KLHL29: variants seen among roughly 807,000 people sequenced by gnomAD.
The protein encoded by KLHL29 is kelch-like protein 29.
Under a neutral mutation model 80.4 loss-of-function variants are expected in KLHL29, and 21 were observed. The observed-to-expected ratio is 0.26, with a 90% CI of 0.19 to 0.38. The LOEUF (loss-of-function observed/expected upper bound fraction) is 0.38. Among genes scored for constraint, KLHL29 ranks in the 10% least tolerant of loss-of-function variants. The pLI is 1.00. For missense variants in KLHL29, 867 were observed against 1,223.9 expected (o/e 0.71, Z 4.35); for synonymous variants, 511 against 526.8 (o/e 0.97, Z 0.41).
chr2:23,660,321 C>G (rs541735061), intron 5 of KLHL29, among the ~76,000 whole-genome samples: 1 of 152,350 alleles, frequency 6.6e-6, no homozygotes, highest in East Asian at 1.9e-4. Flanking sequence ...TCCCCCTCAG[C>G]CTGTCTCTTC....
intron 3 of KLHL29, among the ~76,000 whole-genome samples, chr2:23,627,658 G>A (rs1157053367): frequency 1.3e-5 from 2 of 152,146 alleles, no homozygotes; most frequent in African/African-American, 2.4e-5. Flanking sequence ...CTGCCCCTCG[G>A]TGTGACTCTG....
intron 3 of KLHL29, among the ~76,000 whole-genome samples, chr2:23,574,965 G>C (rs1667806582): frequency 6.6e-6 from 1 of 152,100 alleles, no homozygotes. Context: ...TGGGAGGGTG[G>C]CCCAGCCCCC....
At position 23,681,881 on chromosome 2, in the gene KLHL29, T is replaced by G. The variant is rs1316306727; in HGVS notation, c.941-2518T>G. On this transcript the variant is annotated intron_variant, in intron 5 of 13. Transcript: ENST00000486442. This position sits in a 1 kb window ranked among gnomAD's most constrained non-coding sequence, Gnocchi z 4.2. ...ACGTGTGAGCATGGCAGCTGAGCCTTATCCAGCCTGGCCCTGCAACTGGCC... is the reference window on the plus strand; with the variant it reads ...ACGTGTGAGCATGGCAGCTGAGCCTGATCCAGCCTGGCCCTGCAACTGGCC... Among the ~76,000 whole-genome samples the G allele has an allele frequency of 1.3e-5, 2 of 152,154 alleles. No individual in the cohort carries two copies. The highest frequency in any genetic ancestry group is 1.5e-5 in the Non-Finnish European group (1 of 68,014).
intron 2 of KLHL29, among the ~76,000 whole-genome samples, chr2:23,482,106 A>C (rs570661732): frequency 1.3e-5 from 2 of 152,232 alleles, no homozygotes; most frequent in Admixed American, 6.5e-5. Context: ...TTGTCAACAA[A>C]AGGCTGGAGA....
intron 2 of KLHL29, among the ~76,000 whole-genome samples, chr2:23,484,787 GA>G (rs1664885107): frequency 6.6e-6 from 1 of 152,184 alleles, no homozygotes. Flanking sequence ...TCAGATAAAG[GA>G]AATCTGGCCT....
chr2:23,693,184 G>GA (rs1294254087), intron 7 of KLHL29, 85 bp from the exon 8 acceptor site: 51 of 1,449,792 alleles, frequency 3.5e-5, no homozygotes, highest in Non-Finnish European at 1.6e-5. Flanking sequence ...TGGGTTCAGA[G>GA]AAGGATCTAG....
chr2:23,521,124 A>G (rs114203287), intron 2 of KLHL29, among the ~76,000 whole-genome samples: 3,451 of 151,946 alleles, frequency 0.023, 68 homozygotes, highest in Non-Finnish European at 0.032. Flanking sequence ...GTATCCGTCT[A>G]TCTGCCCCCT....
chr2:23,410,401 A>G (rs903004062), intron 1 of KLHL29, among the ~76,000 whole-genome samples: 2 of 152,072 alleles, frequency 1.3e-5, no homozygotes, highest in African/African-American at 4.8e-5. Context: ...TACTGGATGG[A>G]TGTGGTGCTG....
At chr2:23,419,183 G>A (rs1449638712) in intron 1 of KLHL29, among the ~76,000 whole-genome samples, 1 of 152,220 alleles carries the variant, frequency 6.6e-6, no homozygotes, top group Non-Finnish European at 1.5e-5. Context: ...CCAAAAAGAA[G>A]AGCTTCCATA....
intron 2 of KLHL29, among the ~76,000 whole-genome samples, chr2:23,528,795 C>T (rs1263363446): frequency 6.6e-6 from 1 of 152,264 alleles, no homozygotes; most frequent in East Asian, 1.9e-4. Context: ...GGGGCGCACA[C>T]ATCCCCAGAC....
Position 23,642,442 on chromosome 2 carries a change from G to A in KLHL29, c.532G>A (p.Val178Ile), listed in dbSNP as rs1483712003. The A allele has an allele frequency of 1.3e-5, 19 of 1,502,976 alleles. No homozygotes were observed. The highest frequency in any genetic ancestry group is 2.5e-5 in the East Asian group (1 of 40,352). The allele number at this position is 1,502,976 out of a possible 1,614,324, so 93.1% of individuals were successfully genotyped here. The change falls in exon 5 of 14, where the codon GTC (valine) becomes ATC (isoleucine). Residue 178 changes from valine to isoleucine, a missense_variant. Val to Ile is a conservative substitution (Grantham distance 29). Transcript: ENST00000486442. The stretch of plus-strand genomic sequence containing the variant: ...TCCCACCTTCAGCCCGGCTGTGAAC[G>A]TCCAGGCCCCGGTCATTGGGGTGAC... ...QPPTFSPAVN[V>I]QAPVIGVTPS...
chr2:23,679,364 A>G lies in KLHL29; in HGVS notation c.941-5035A>G, dbSNP rs77396054. ...GGGACAGCTCGTTTCTGCTCCACACAGTCTCTCATGCTCCAACAGGCTAGC... is the reference window on the plus strand; with the variant it reads ...GGGACAGCTCGTTTCTGCTCCACACGGTCTCTCATGCTCCAACAGGCTAGC... On this transcript the variant is annotated intron_variant, in intron 5 of 13. Coordinates refer to ENST00000486442, the MANE Select transcript of KLHL29 (RefSeq NM_052920.2). 1.8e-3 allele frequency among the ~76,000 whole-genome samples: 273 copies of G among 152,298 alleles called. 3 individuals are homozygous for G. The East Asian group carries it at 0.02, about 11-fold the overall frequency.
chr2:23,684,439 G>A lies in KLHL29; in HGVS notation c.981G>A (p.Ala327=), dbSNP rs1028724025. Residue 327 remains alanine, a synonymous_variant, in exon 6 of 14, where the codon GCG becomes GCA. Coordinates refer to ENST00000486442, the MANE Select transcript of KLHL29 (RefSeq NM_052920.2). This position sits in a 1 kb window ranked among gnomAD's most constrained non-coding sequence, Gnocchi z 4.4. The part of the protein sequence containing the change: ...KELNQQRRAK[A]FTDLKIVVEG... ...TGAACCAGCAACGCAGAGCGAAAGC[G>A]TTTACAGACCTGAAAATTGTTGTTG... 31 of 1,550,546 alleles carry A rather than the reference G, an allele frequency of 2.0e-5. No homozygotes were observed. The highest frequency in any genetic ancestry group is 3.3e-4 in the Middle Eastern group (2 of 5,990).
At chr2:23,698,869 C>T (rs1479282977) in intron 11 of KLHL29, among the ~76,000 whole-genome samples, 4 of 152,270 alleles carry the variant, frequency 2.6e-5, no homozygotes, top group East Asian at 3.9e-4. Flanking sequence ...TCAGGAAATT[C>T]GCATTTGGTG....
chr2:23,580,878 T>G (rs1667963777), intron 3 of KLHL29, among the ~76,000 whole-genome samples: 1 of 147,528 alleles, frequency 6.8e-6, no homozygotes, highest in Non-Finnish European at 1.5e-5. Context: ...CTCAGGAGGC[T>G]GAGGCAACAG....
chr2:23,405,675 C>G (rs575571936), intron 1 of KLHL29, among the ~76,000 whole-genome samples: 2 of 152,166 alleles, frequency 1.3e-5, no homozygotes, highest in African/African-American at 4.8e-5. Flanking sequence ...ACACAAGACT[C>G]GAGCAGGAGA....
intron 1 of KLHL29, among the ~76,000 whole-genome samples, chr2:23,398,914 G>A (rs1214684609): frequency 6.6e-5 from 10 of 152,176 alleles, no homozygotes; most frequent in African/African-American, 2.2e-4. Context: ...CTGGCATCTT[G>A]TCTATGGCAA....
At chr2:23,511,267 C>A (rs1309356251) in intron 2 of KLHL29, among the ~76,000 whole-genome samples, 1 of 152,146 alleles carries the variant, frequency 6.6e-6, no homozygotes, top group African/African-American at 2.4e-5. Context: ...CAGTGGTGCC[C>A]CCTGAAGTGC....
At chr2:23,448,787 C>T (rs900304744) in intron 1 of KLHL29, among the ~76,000 whole-genome samples, 4 of 152,202 alleles carry the variant, frequency 2.6e-5, no homozygotes, top group Non-Finnish European at 5.9e-5. Flanking sequence ...TGACTGGTCT[C>T]CTTGCCTGTG....
Sources: allele counts gnomAD v4.1 joint callset (sites outside exome capture counted in the v4.1 genomes callset), GRCh38; gene constraint gnomAD v4.1.1; non-coding constraint Gnocchi (gnomAD v3.1); transcripts MANE v1.5; gene names NCBI Gene and HGNC (gene_info 2026-07-23, HGNC 2026-07-21).